Variants in WWOX observed in about 807,000 individuals in gnomAD.
The protein encoded by WWOX is WW domain-containing oxidoreductase.
In WWOX, 69 loss-of-function variants were observed where a neutral mutation model predicts 46.2. That is an observed-to-expected ratio of 1.49 (90% CI 1.23 to 1.82). The LOEUF (loss-of-function observed/expected upper bound fraction) is 1.82. WWOX is among the 40% of genes most tolerant of loss of function. The pLI is 0.00. For missense variants in WWOX, 919 were observed against 542.6 expected, an observed-to-expected ratio of 1.69 and a Z score of -6.89; for synonymous variants, 359 against 202.6, an observed-to-expected ratio of 1.77 and a Z score of -6.56.
At chr16:78,466,731 C>G (rs1286599184) in intron 8 of WWOX, among the ~76,000 whole-genome samples, 2 of 152,050 alleles carry the variant, frequency 1.3e-5, no homozygotes, top group African/African-American at 4.8e-5. Flanking sequence ...TTCTGTAATC[C>G]CAGCTACTTA....
At chr16:78,125,384 C>A (rs2033318005) in intron 4 of WWOX, among the ~76,000 whole-genome samples, 1 of 152,136 alleles carries the variant, frequency 6.6e-6, no homozygotes, top group South Asian at 2.1e-4. Context: ...GGAATAACAG[C>A]ACACTCCTGA....
intron 8 of WWOX, among the ~76,000 whole-genome samples, chr16:78,860,369 G>C (rs1169467077): frequency 1.3e-5 from 2 of 152,086 alleles, no homozygotes; most frequent in African/African-American, 4.8e-5. Context: ...CGTCTGTTCT[G>C]AGCACCTCCC....
intron 5 of WWOX, among the ~76,000 whole-genome samples, chr16:78,301,615 A>T (rs79894880): frequency 0.02 from 3,062 of 152,242 alleles, 90 homozygotes; most frequent in East Asian, 0.12. Context: ...TAGGCTTCCC[A>T]CGGCTCTGAG....
intron 8 of WWOX, chr16:78,898,735 C>G (rs916777052): frequency 6.6e-6 from 1 of 152,064 alleles, no homozygotes; most frequent in Non-Finnish European, 1.5e-5. Context: ...TTAAGCGTTA[C>G]CATCCATGAG....
At chr16:78,609,373 C>G (rs921003397) in intron 8 of WWOX, among the ~76,000 whole-genome samples, 1 of 152,054 alleles carries the variant, frequency 6.6e-6, no homozygotes, top group South Asian at 2.1e-4. Context: ...AGAGGAAACA[C>G]TGAAATAGCT....
At chr16:78,270,948 A>T (rs552533067) in intron 5 of WWOX, among the ~76,000 whole-genome samples, 13 of 152,350 alleles carry the variant, frequency 8.5e-5, no homozygotes, top group African/African-American at 3.1e-4. Context: ...GTTTGCGTTC[A>T]GGTCAAATAG....
At chr16:79,067,616 G>A (rs1210318379) in intron 8 of WWOX, among the ~76,000 whole-genome samples, 2 of 127,196 alleles carry the variant, frequency 1.6e-5, no homozygotes, top group Admixed American at 8.0e-5. Context: ...TTTAATTTGT[G>A]CGTGTGGGTG....
In WWOX at chr16:78,862,769, C is replaced by T. The variant is rs1433024651; in HGVS notation, c.1057-348839C>T. Among the ~76,000 whole-genome samples the T allele has an allele frequency of 2.0e-5, 3 of 152,092 alleles. No homozygotes were observed. The East Asian group carries it at 5.8e-4, about 29-fold the overall frequency. ...CAGCCTTTTATTTTATTCAGGCCTT[C>T]AACAGATTGTATGAAGCCACCCACA... On this transcript the variant is annotated intron_variant, in intron 8 of 8. Coordinates refer to ENST00000566780, the MANE Select transcript of WWOX (RefSeq NM_016373.4).
At chr16:79,110,918 C>T (rs777657131) in intron 8 of WWOX, 2 of 152,150 alleles carry the variant, frequency 1.3e-5, no homozygotes, top group Non-Finnish European at 2.9e-5. Context: ...AATGAGATAT[C>T]GAGACATGCC....
At chr16:78,184,139 C>T (rs2035621119) in intron 5 of WWOX, among the ~76,000 whole-genome samples, 1 of 152,174 alleles carries the variant, frequency 6.6e-6, no homozygotes, top group Non-Finnish European at 1.5e-5. Flanking sequence ...TCCTCAGCAG[C>T]CGCAGCCACT....
rs575966148 is a variant in WWOX at position 78,661,419 on chromosome 16, T to G, written c.1056+228667T>G. Among the ~76,000 whole-genome samples the G allele has an allele frequency of 9.8e-5, 15 of 152,296 alleles. No homozygotes were observed. The South Asian group carries it at 3.1e-3, about 32-fold the overall frequency. On this transcript the variant is annotated intron_variant, in intron 8 of 8. Coordinates refer to ENST00000566780, the MANE Select transcript of WWOX (RefSeq NM_016373.4). ...AGCTGGGCAATTTTTTTTTCCCCTTTCAATACATCACATTGATTTTCTGTA... is the reference window on the plus strand; with the variant it reads ...AGCTGGGCAATTTTTTTTTCCCCTTGCAATACATCACATTGATTTTCTGTA...
At chr16:78,804,572 G>A (rs79749066) in intron 8 of WWOX, among the ~76,000 whole-genome samples, 5,318 of 152,316 alleles carry the variant, frequency 0.035, 314 homozygotes, top group African/African-American at 0.12. Context: ...TCTCCCACTG[G>A]AGGGAAATTC....
intron 8 of WWOX, among the ~76,000 whole-genome samples, chr16:79,028,353 T>G (rs2047686954): frequency 6.6e-6 from 1 of 151,860 alleles, no homozygotes; most frequent in Non-Finnish European, 1.5e-5. Flanking sequence ...TTAGGCATGT[T>G]CAAAATATAG....
intron 8 of WWOX, among the ~76,000 whole-genome samples, chr16:78,641,617 C>T (rs895416668): frequency 2.0e-5 from 3 of 152,150 alleles, no homozygotes. Context: ...CATCTGTTTT[C>T]CTGCAGATGC....
chr16:78,956,796 A>G (rs1482179353), intron 8 of WWOX, among the ~76,000 whole-genome samples: 1 of 152,176 alleles, frequency 6.6e-6, no homozygotes, highest in East Asian at 1.9e-4. Flanking sequence ...GGGGAAACAA[A>G]GAGGGCAACA....
chr16:78,388,594 C>T (rs535931484), intron 6 of WWOX, among the ~76,000 whole-genome samples: 119 of 137,176 alleles, frequency 8.7e-4, no homozygotes, highest in Non-Finnish European at 1.5e-3. Flanking sequence ...TTGCAGTGAG[C>T]CAAGATGGCA....
At chr16:78,452,005 T>C (rs74030277) in intron 8 of WWOX, among the ~76,000 whole-genome samples, 11,135 of 152,296 alleles carry the variant, frequency 0.073, 491 homozygotes, top group East Asian at 0.2. Context: ...AACTTCCTTC[T>C]GTTTTTAGTG....
At chr16:79,183,587 T>G (rs985677232) in intron 8 of WWOX, among the ~76,000 whole-genome samples, 2 of 152,180 alleles carry the variant, frequency 1.3e-5, no homozygotes, top group African/African-American at 4.8e-5. Flanking sequence ...GTGCTGTGAG[T>G]AAATCAGTGT....
At chr16:78,881,248 C>T (rs757890431) in intron 8 of WWOX, among the ~76,000 whole-genome samples, 3 of 152,132 alleles carry the variant, frequency 2.0e-5, no homozygotes, top group Non-Finnish European at 4.4e-5. Flanking sequence ...AAGCGATTCA[C>T]GTGCCTCAGC....
Sources: allele counts gnomAD v4.1 joint callset (sites outside exome capture counted in the v4.1 genomes callset), GRCh38; gene constraint gnomAD v4.1.1; transcripts MANE v1.5; gene names NCBI Gene and HGNC (gene_info 2026-07-23, HGNC 2026-07-21).